The following SNTG1 variants were observed in gnomAD, a reference collection of about 807,000 sequenced individuals.
SNTG1 encodes syntrophin gamma 1, also known as gamma-1-syntrophin.
SNTG1 carries 39 observed loss-of-function variants against 74.7 expected under a neutral mutation model. That is an observed-to-expected ratio of 0.52 (90% CI 0.40 to 0.68). The LOEUF is 0.68. Among genes scored for constraint, SNTG1 ranks in the 30% least tolerant of loss-of-function variants. SNTG1 has a pLI of 0.00. For synonymous variants in SNTG1, 254 were observed against 217.1 expected, an observed-to-expected ratio of 1.17 and a Z score of -1.49; for missense variants, 685 against 609.5, an observed-to-expected ratio of 1.12 and a Z score of -1.30.
At chr8:50,331,566 C>T (rs78712740) in intron 2 of SNTG1, among the ~76,000 whole-genome samples, 9,945 of 152,032 alleles carry the variant, frequency 0.065, 351 homozygotes, top group African/African-American at 0.072. Flanking sequence ...CTAAATTTAC[C>T]GAGAAGCCAT....
At chr8:49,929,108 AAAT>A (rs1326670689) in intron 1 of SNTG1, among the ~76,000 whole-genome samples, 1 of 152,194 alleles carries the variant, frequency 6.6e-6, no homozygotes, top group African/African-American at 2.4e-5. Flanking sequence ...GGGAGGACTT[AAAT>A]AACTAATAAA....
rs1343846477 is a variant in SNTG1 at position 50,794,618 on chromosome 8, A to T, written c.*1789A>T. The stretch of plus-strand genomic sequence containing the variant: ...AAACCCACCAAAAGCAGCCTTCAGT[A>T]GTAGGCCACTTCTGAACTTATGGAG... On this transcript the variant is annotated 3_prime_UTR_variant, in exon 19 of 19. Coordinates refer to ENST00000642720, the MANE Select transcript of SNTG1 (RefSeq NM_018967.5). 1 of 152,026 alleles carries T rather than the reference A, an allele frequency of 6.6e-6. No individual in the cohort carries two copies. Among genetic ancestry groups the T allele is most frequent in the African/African-American group, 2.4e-5 (1 of 41,436 alleles). The allele number at this position is 152,026 out of a possible 1,614,324, so 9.4% of individuals were successfully genotyped here. A position where few individuals can be genotyped will look rare whatever the true frequency, so the allele number is the denominator to read the frequency against.
intron 2 of SNTG1, among the ~76,000 whole-genome samples, chr8:50,215,849 A>G (rs887281673): frequency 6.6e-6 from 1 of 152,188 alleles, no homozygotes; most frequent in Non-Finnish European, 1.5e-5. Context: ...CATGGATAAC[A>G]AGGATCAATG....
chr8:50,165,631 T>A (rs777078497), intron 1 of SNTG1, among the ~76,000 whole-genome samples: 73 of 152,236 alleles, frequency 4.8e-4, no homozygotes, highest in Non-Finnish European at 9.7e-4. Context: ...TGAAAATTGC[T>A]GCCACTATGG....
At chr8:50,657,086 C>T in intron 14 of SNTG1, 61 bp downstream of exon 14, 5 of 866,678 alleles carry the variant, frequency 5.8e-6, no homozygotes, top group Non-Finnish European at 8.6e-6. Context: ...TTGACACCAA[C>T]TTAACAGCAC....
intron 8 of SNTG1, among the ~76,000 whole-genome samples, chr8:50,471,280 G>C (rs1245174681): frequency 6.6e-6 from 1 of 150,870 alleles, no homozygotes; most frequent in Admixed American, 6.6e-5. Flanking sequence ...GCTCCTATCA[G>C]AGTGTGTTTC....
chr8:50,245,713 C>G (rs1243293916), intron 2 of SNTG1, among the ~76,000 whole-genome samples: 1 of 151,664 alleles, frequency 6.6e-6, no homozygotes, highest in African/African-American at 2.4e-5. Context: ...GAAAACAAAA[C>G]AAAAAAAGGA....
chr8:50,190,851 A>T (rs2083547032), intron 2 of SNTG1, among the ~76,000 whole-genome samples: 1 of 152,152 alleles, frequency 6.6e-6, no homozygotes, highest in South Asian at 2.1e-4. Flanking sequence ...CTCTTTCAGT[A>T]GGTGAAGCAA....
intron 12 of SNTG1, among the ~76,000 whole-genome samples, chr8:50,579,565 C>T (rs191143939): frequency 7.8e-4 from 119 of 152,242 alleles, no homozygotes; most frequent in African/African-American, 2.6e-3. Context: ...GGTCCAGGCC[C>T]CCCTGCTATG....
intron 2 of SNTG1, among the ~76,000 whole-genome samples, chr8:50,353,370 G>A (rs949534168): frequency 4.6e-5 from 7 of 151,980 alleles, no homozygotes; most frequent in East Asian, 1.9e-4. Context: ...AAACCTGAAC[G>A]TAGTGCACAT....
At chr8:50,051,857 A>G (rs1396318474) in intron 1 of SNTG1, among the ~76,000 whole-genome samples, 2 of 152,126 alleles carry the variant, frequency 1.3e-5, no homozygotes. Context: ...GGGGGCAGAC[A>G]TAATCCAAAC....
intron 2 of SNTG1, among the ~76,000 whole-genome samples, chr8:50,384,490 G>C (rs538755128): frequency 9.2e-4 from 140 of 152,300 alleles, no homozygotes; most frequent in African/African-American, 3.3e-3. Flanking sequence ...TTTCCATGAT[G>C]TAAGTGTGGC....
intron 2 of SNTG1, among the ~76,000 whole-genome samples, chr8:50,331,338 G>A (rs991830318): frequency 1.3e-5 from 2 of 152,268 alleles, no homozygotes; most frequent in Admixed American, 1.3e-4. Flanking sequence ...GAGGGAATCA[G>A]AAGAAAAATC....
Position 50,704,678 on chromosome 8 carries a change from G to C in SNTG1, c.1117G>C (p.Glu373Gln). The stretch of plus-strand genomic sequence containing the variant: ...TGGGGAGGACCTGTACTTCTCAGTG[G>C]AGCTGGAAAGTGACCTCGCCCAGTG... The part of the protein sequence containing the change: ...ESGEDLYFSV[E>Q]LESDLAQWER... The change falls in exon 16 of 19, where the codon GAG becomes CAG. Residue 373 changes from glutamate (E) to glutamine (Q), a missense_variant. Transcript: ENST00000642720. 6.2e-7 allele frequency: 1 copy of C among 1,614,148 alleles called. No homozygotes were observed. The highest frequency in any genetic ancestry group is 8.5e-7 in the Non-Finnish European group (1 of 1,180,028).
At chr8:49,936,629 T>C (rs747538649) in intron 1 of SNTG1, among the ~76,000 whole-genome samples, 1 of 152,212 alleles carries the variant, frequency 6.6e-6, no homozygotes, top group Non-Finnish European at 1.5e-5. Context: ...GTCACTATTA[T>C]GTAAAATTCT....
At chr8:50,074,851 G>C (rs1211042608) in intron 1 of SNTG1, among the ~76,000 whole-genome samples, 2 of 152,142 alleles carry the variant, frequency 1.3e-5, no homozygotes, top group Non-Finnish European at 2.9e-5. Flanking sequence ...TTGCGAGGGA[G>C]TGGGGAAGGA....
chr8:49,924,294 AG>A, intron 1 of SNTG1, among the ~76,000 whole-genome samples: 1 of 152,268 alleles, frequency 6.6e-6, no homozygotes, highest in African/African-American at 2.4e-5. Flanking sequence ...GAGGAAAAAA[AG>A]TTTGTTAGAA....
At chr8:50,412,779 C>T (rs1408208407) in intron 4 of SNTG1, among the ~76,000 whole-genome samples, 1 of 152,084 alleles carries the variant, frequency 6.6e-6, no homozygotes, top group Non-Finnish European at 1.5e-5. Flanking sequence ...TACCAATTAC[C>T]AAACTGTTAA....
intron 18 of SNTG1, among the ~76,000 whole-genome samples, chr8:50,765,028 A>AATACTAT (rs2095610188): frequency 1.3e-5 from 2 of 152,136 alleles, no homozygotes; most frequent in South Asian, 4.1e-4. Flanking sequence ...CAGAAAGACA[A>AATACTAT]ATGTTCCCAC....
Sources: gnomAD v4.1 joint callset for allele counts (sites outside exome capture counted in the v4.1 genomes callset) on GRCh38, gnomAD v4.1.1 for gene constraint, MANE v1.5 for transcripts, NCBI Gene and HGNC (gene_info 2026-07-23, HGNC 2026-07-21) for gene names.